BBX: variants seen among roughly 807,000 people sequenced by gnomAD.
BBX encodes the protein HMG box transcription factor BBX.
In BBX, 30 loss-of-function variants were observed where a neutral mutation model predicts 100.2. The ratio of observed to expected loss-of-function variants is 0.30; its 90% CI spans 0.22 to 0.41. BBX has a LOEUF of 0.41. BBX is among the 10% of genes least tolerant of loss of function. The pLI, the probability that BBX is intolerant of heterozygous loss-of-function variation, is 1.00. For synonymous variants in BBX, 376 were observed against 388.1 expected, an observed-to-expected ratio of 0.97 and a Z score of 0.37; for missense variants, 1,023 against 1,129.8, an observed-to-expected ratio of 0.91 and a Z score of 1.35.
At chr3:107,542,992 C>G (rs888129024) in intron 2 of BBX, among the ~76,000 whole-genome samples, 1 of 152,108 alleles carries the variant, frequency 6.6e-6, no homozygotes, top group African/African-American at 2.4e-5. Context: ...ACAGTTGCTC[C>G]TCAGTAGCTT....
intron 13 of BBX, among the ~76,000 whole-genome samples, chr3:107,781,143 T>C (rs13315728): frequency 0.11 from 16,001 of 152,090 alleles, 1,061 homozygotes; most frequent in Middle Eastern, 0.16. Flanking sequence ...TTTATATAGT[T>C]GTATATCTCA....
chr3:107,721,208 T>A (rs2062500571), intron 5 of BBX, among the ~76,000 whole-genome samples: 1 of 152,076 alleles, frequency 6.6e-6, no homozygotes, highest in Non-Finnish European at 1.5e-5. Context: ...CTTTTGACTG[T>A]TTTTTGAAAC....
intron 3 of BBX, among the ~76,000 whole-genome samples, chr3:107,669,736 T>C (rs1031292303): frequency 2.6e-5 from 4 of 152,188 alleles, no homozygotes; most frequent in African/African-American, 9.7e-5. Context: ...GCAGTATATA[T>C]GAGGTACTCT....
chr3:107,642,183 T>C (rs2057252014), intron 2 of BBX, among the ~76,000 whole-genome samples: 2 of 152,184 alleles, frequency 1.3e-5, no homozygotes, highest in African/African-American at 2.4e-5. Context: ...TAACAGAATA[T>C]ATAGAATGGG....
intron 2 of BBX, among the ~76,000 whole-genome samples, chr3:107,626,164 T>G (rs1390558147): frequency 6.6e-6 from 1 of 152,176 alleles, no homozygotes; most frequent in East Asian, 1.9e-4. Flanking sequence ...TTAATCTATT[T>G]AACAAGCAAA....
chr3:107,569,420 A>G (rs1351468399), intron 2 of BBX, among the ~76,000 whole-genome samples: 1 of 151,852 alleles, frequency 6.6e-6, no homozygotes, highest in Non-Finnish European at 1.5e-5. Flanking sequence ...TTTTATGACA[A>G]CAAGGCTGTT....
At chr3:107,729,025 A>T in intron 6 of BBX, 65 bp downstream of exon 6, 1 of 1,525,202 alleles carries the variant, frequency 6.6e-7, no homozygotes. Context: ...GCAGCATTTT[A>T]AACAATACTG....
At chr3:107,666,517 T>C (rs2058751204) in intron 3 of BBX, among the ~76,000 whole-genome samples, 1 of 152,254 alleles carries the variant, frequency 6.6e-6, no homozygotes, top group Non-Finnish European at 1.5e-5. Context: ...CTAACTGAAT[T>C]CTGAATCAAA....
intron 9 of BBX, among the ~76,000 whole-genome samples, chr3:107,751,733 C>A (rs1056716730): frequency 6.6e-6 from 1 of 151,942 alleles, no homozygotes; most frequent in African/African-American, 2.4e-5. Context: ...AAAAGAAATA[C>A]AGACTGCAGG....
chr3:107,733,866 A>T (rs2063475892), intron 7 of BBX, among the ~76,000 whole-genome samples: 1 of 152,108 alleles, frequency 6.6e-6, no homozygotes, highest in Admixed American at 6.6e-5. Flanking sequence ...TTTAGGTATG[A>T]TTTTGACGGG....
At chr3:107,731,707 T>G (rs1056634729) in intron 6 of BBX, among the ~76,000 whole-genome samples, 2 of 150,012 alleles carry the variant, frequency 1.3e-5, no homozygotes, top group Non-Finnish European at 3.0e-5. Context: ...GAACTTTTTT[T>G]GCAATTTTTT....
chr3:107,791,603 G>A (rs2069044784), intron 15 of BBX, among the ~76,000 whole-genome samples: 1 of 152,134 alleles, frequency 6.6e-6, no homozygotes, highest in South Asian at 2.1e-4. Context: ...TCATGTTGCA[G>A]GCAGATGCTT....
intron 2 of BBX, among the ~76,000 whole-genome samples, chr3:107,612,491 A>G (rs2107658180): frequency 6.6e-6 from 1 of 152,252 alleles, no homozygotes. Flanking sequence ...GTTCTTGCAG[A>G]TTTGTAGAGG....
chr3:107,629,323 A>T (rs1221464884), intron 2 of BBX, among the ~76,000 whole-genome samples: 2 of 152,218 alleles, frequency 1.3e-5, no homozygotes, highest in East Asian at 3.8e-4. Flanking sequence ...GTCCATGAAT[A>T]TATAAATCCC....
At chr3:107,579,956 AT>A (rs770197089) in intron 2 of BBX, among the ~76,000 whole-genome samples, 92 of 152,158 alleles carry the variant, frequency 6.0e-4, no homozygotes, top group Non-Finnish European at 1.0e-3. Flanking sequence ...GCTCTGGAGT[AT>A]TTTTTGTTAA....
chr3:107,718,223 TTAA>T (rs888997957), intron 5 of BBX, among the ~76,000 whole-genome samples: 4 of 147,842 alleles, frequency 2.7e-5, no homozygotes, highest in African/African-American at 9.8e-5. Context: ...AGTATAATTA[TTAA>T]TTTTATTAGT....
At chr3:107,768,368 G>A (rs7628544) in intron 10 of BBX, among the ~76,000 whole-genome samples, 6,250 of 152,240 alleles carry the variant, frequency 0.041, 383 homozygotes, top group African/African-American at 0.14. Flanking sequence ...AAAATGGGAG[G>A]AATTTCAAAT....
chr3:107,536,508 C>T (rs989899491), intron 2 of BBX, among the ~76,000 whole-genome samples: 9 of 152,006 alleles, frequency 5.9e-5, no homozygotes, highest in African/African-American at 2.2e-4. Flanking sequence ...AATGGTTTTC[C>T]GAAGGCGCTC....
intron 2 of BBX, among the ~76,000 whole-genome samples, chr3:107,567,241 C>T (rs1028865803): frequency 4.0e-5 from 6 of 149,228 alleles, no homozygotes; most frequent in African/African-American, 9.8e-5. Flanking sequence ...TACATATATT[C>T]GTATCAGGTT....
Sources: allele counts gnomAD v4.1 joint callset (sites outside exome capture counted in the v4.1 genomes callset), GRCh38; gene constraint gnomAD v4.1.1; transcripts MANE v1.5; gene names NCBI Gene and HGNC (gene_info 2026-07-23, HGNC 2026-07-21).